MANBAL: variants seen among roughly 807,000 people sequenced by gnomAD.
MANBAL encodes protein MANBAL.
Under a neutral mutation model 6.4 loss-of-function variants are expected in MANBAL, and 1 was observed. That is an observed-to-expected ratio of 0.16 (90% CI 0.06 to 0.74). The LOEUF (loss-of-function observed/expected upper bound fraction) is 0.74. Ranked by LOEUF, MANBAL falls within the 30% of genes least tolerant of loss-of-function variation. The pLI is 0.78. For missense variants in MANBAL, 100 were observed against 107.8 expected, an observed-to-expected ratio of 0.93 and a Z score of 0.32; for synonymous variants, 47 against 45.8, an observed-to-expected ratio of 1.03 and a Z score of -0.10.
intron 2 of MANBAL, among the ~76,000 whole-genome samples, chr20:37,310,017 T>C (rs1183212093): frequency 6.6e-6 from 1 of 152,136 alleles, no homozygotes; most frequent in Non-Finnish European, 1.5e-5. Context: ...GCCTGTGGTC[T>C]GGAGATGTGT....
intron 2 of MANBAL, among the ~76,000 whole-genome samples, chr20:37,310,143 T>G (rs929617751): frequency 6.6e-6 from 1 of 152,226 alleles, no homozygotes; most frequent in Non-Finnish European, 1.5e-5. Flanking sequence ...AAGGCTGTTC[T>G]TTCTAATCAC....
chr20:37,300,493 A>G (rs1051596628), intron 1 of MANBAL, among the ~76,000 whole-genome samples: 4 of 152,160 alleles, frequency 2.6e-5, no homozygotes, highest in African/African-American at 9.7e-5. Flanking sequence ...GTCTGCTTCC[A>G]TCCTGAGCAT....
rs189773990 is a variant in MANBAL, at chr20:37,294,460, C to A, written c.-57+4774C>A. 2.0e-3 allele frequency among the ~76,000 whole-genome samples: 301 copies of A among 152,340 alleles called. 2 individuals are homozygous for A. Among genetic ancestry groups the A allele is most frequent in the African/African-American group, 6.9e-3 (288 of 41,570 alleles). On this transcript the variant is annotated intron_variant, in intron 1 of 2. Coordinates refer to ENST00000373606, the MANE Select transcript of MANBAL (RefSeq NM_001003897.2). ...TGAAATGAGTGAGACCATGTGATTT[C>A]TTTGCTAAGAACCTTCCAGTAGTTC...
chr20:37,291,159 T>C (rs2068858151), intron 1 of MANBAL, among the ~76,000 whole-genome samples: 1 of 152,246 alleles, frequency 6.6e-6, no homozygotes, highest in Admixed American at 6.5e-5. Context: ...TTTTGAAATG[T>C]TGACCCATTC....
chr20:37,296,847 A>G lies in MANBAL; in HGVS notation c.-56-4361A>G, dbSNP rs578224877. On this transcript the variant is annotated intron_variant, in intron 1 of 2. Coordinates refer to ENST00000373606, the MANE Select transcript of MANBAL (RefSeq NM_001003897.2). ...TGAGAACATCCCGTCTCCAGAGGTCAAGAGATTATTAGCCCAAAGTGTAGC... is the reference window on the plus strand; with the variant it reads ...TGAGAACATCCCGTCTCCAGAGGTCGAGAGATTATTAGCCCAAAGTGTAGC... 12 of 152,310 alleles carry G rather than the reference A, an allele frequency of 7.9e-5. 1 individual carries two copies. The South Asian group carries it at 2.5e-3, about 32-fold the overall frequency. The allele number at this position is 152,310 out of a possible 1,614,324, so 9.4% of individuals were successfully genotyped here.
At chr20:37,314,130 A>G (rs956221371) in intron 2 of MANBAL, among the ~76,000 whole-genome samples, 8 of 152,186 alleles carry the variant, frequency 5.3e-5, no homozygotes, top group African/African-American at 1.9e-4. Context: ...TGAAGGGGGA[A>G]TTGGATGCTG....
chr20:37,302,308 C>T (rs1393521883), intron 2 of MANBAL: 1 of 1,550,624 alleles, frequency 6.4e-7, no homozygotes, highest in Non-Finnish European at 8.7e-7. Flanking sequence ...TGATTCCATT[C>T]CAGTCAGGTT....
chr20:37,307,001 T>C (rs908279255), intron 2 of MANBAL, among the ~76,000 whole-genome samples: 3 of 152,194 alleles, frequency 2.0e-5, no homozygotes, highest in Admixed American at 2.0e-4. Context: ...TCTTGCTCTA[T>C]TGCCTAGGCT....
intron 1 of MANBAL, among the ~76,000 whole-genome samples, chr20:37,300,682 A>G (rs554710371): frequency 1.6e-4 from 24 of 152,340 alleles, no homozygotes; most frequent in African/African-American, 5.1e-4. Context: ...TTCCCTTTGC[A>G]TTTATTTATT....
At chr20:37,302,225 T>A (rs2069154853) in intron 2 of MANBAL, 1 of 1,550,188 alleles carries the variant, frequency 6.5e-7, no homozygotes, top group South Asian at 1.2e-5. Context: ...TGGCTATTGC[T>A]TCTCTGTGGT....
At chr20:37,307,756 CAA>C (rs57668746) in intron 2 of MANBAL, among the ~76,000 whole-genome samples, 28 of 101,852 alleles carry the variant, frequency 2.7e-4, no homozygotes, top group Admixed American at 3.3e-4. Context: ...GACTCCATCT[CAA>C]AAAAAAAAAA....
chr20:37,301,503 A>G, intron 2 of MANBAL, 90 bp downstream of exon 2: 1 of 1,425,250 alleles, frequency 7.0e-7, no homozygotes. Flanking sequence ...TGAGATCAGC[A>G]GGGTCTACAT....
intron 2 of MANBAL, among the ~76,000 whole-genome samples, chr20:37,309,190 C>T (rs73903453): frequency 0.011 from 1,740 of 152,260 alleles, 40 homozygotes; most frequent in African/African-American, 0.04. Flanking sequence ...GTGCTGGCTT[C>T]CTTCCTAGGC....
At position 37,316,990 on chromosome 20, in the gene MANBAL, G is replaced by A. The variant is rs983514172; in HGVS notation, c.*575G>A. The A allele has an allele frequency of 2.0e-5, 3 of 152,732 alleles. No homozygotes were observed. The highest frequency in any genetic ancestry group is 7.2e-5 in the African/African-American group (3 of 41,458). 9.5% of individuals were successfully genotyped at this position (152,732 alleles called of 1,614,324 possible). On this transcript the variant is annotated 3_prime_UTR_variant, in exon 3 of 3. Coordinates refer to ENST00000373606, the MANE Select transcript of MANBAL (RefSeq NM_001003897.2). ...GGCGTGAGAGCCAGCAGACAGCCAGGCCAGGGTAGGCAGTGCCTGCTTCTG... is the reference window on the plus strand; with the variant it reads ...GGCGTGAGAGCCAGCAGACAGCCAGACCAGGGTAGGCAGTGCCTGCTTCTG...
intron 1 of MANBAL, among the ~76,000 whole-genome samples, chr20:37,293,317 G>T (rs1457910628): frequency 6.6e-6 from 1 of 152,220 alleles, no homozygotes; most frequent in Admixed American, 6.5e-5. Context: ...CCGTCTGGGG[G>T]TGATGGGAGA....
chr20:37,302,197 T>C, intron 2 of MANBAL: 3 of 1,544,354 alleles, frequency 1.9e-6, no homozygotes, highest in Non-Finnish European at 2.6e-6. Flanking sequence ...TCATGTGGGA[T>C]ACCTACATCC....
chr20:37,301,384 A>G lies in MANBAL; in HGVS notation c.121A>G (p.Ile41Val), dbSNP rs752613587. Residue 41 changes from isoleucine to valine, a missense_variant, in exon 2 of 3, where the codon ATC (isoleucine) becomes GTC (valine). Ile to Val is a conservative substitution (Grantham distance 29). Transcript: ENST00000373606. ...IFQLICVLAI[I>V]VPIPKSHEAE... ...CCAGCTCATCTGTGTGCTGGCCATC[A>G]TCGTACCCATTCCCAAGTCCCACGA... 6.2e-7 allele frequency: 1 copy of G among 1,612,966 alleles called. No individual in the cohort carries two copies. Among genetic ancestry groups the G allele is most frequent in the Non-Finnish European group, 8.5e-7 (1 of 1,179,296 alleles).
rs991291671 is a variant in MANBAL at position 37,313,521 on chromosome 20, A to G, written c.151-2787A>G. Among the ~76,000 whole-genome samples the G allele has an allele frequency of 2.0e-5, 3 of 152,168 alleles. 1 individual carries two copies. The highest frequency in any genetic ancestry group is 1.9e-4 in the East Asian group (1 of 5,174). On this transcript the variant is annotated intron_variant, in intron 2 of 2. Coordinates refer to ENST00000373606, the MANE Select transcript of MANBAL (RefSeq NM_001003897.2). ...GGAGTTTGAGACCAGCTTGGCCAACATGATAAAACCCCATCTCTACTAAAA... is the reference window on the plus strand; with the variant it reads ...GGAGTTTGAGACCAGCTTGGCCAACGTGATAAAACCCCATCTCTACTAAAA...
intron 2 of MANBAL, chr20:37,302,194 G>T: frequency 1.3e-6 from 2 of 1,541,634 alleles, no homozygotes; most frequent in Non-Finnish European, 1.8e-6. Flanking sequence ...TTGTCATGTG[G>T]GATACCTACA....
Sources: allele counts gnomAD v4.1 joint callset (sites outside exome capture counted in the v4.1 genomes callset), GRCh38; gene constraint gnomAD v4.1.1; transcripts MANE v1.5; gene names NCBI Gene and HGNC (gene_info 2026-07-23, HGNC 2026-07-21).